Variants in TRANK1 observed in about 807,000 individuals in gnomAD.
TRANK1 encodes the protein tetratricopeptide repeat and ankyrin repeat containing 1.
TRANK1 carries 198 observed loss-of-function variants against 266.0 expected under a neutral mutation model. The observed-to-expected ratio is 0.74, with a 90% CI of 0.66 to 0.84. The LOEUF is 0.84. Ranked by LOEUF, TRANK1 falls within the 40% of genes least tolerant of loss-of-function variation. The pLI, the probability that TRANK1 is intolerant of heterozygous loss-of-function variation, is 0.00. For synonymous variants in TRANK1, 1,396 were observed against 1,384.1 expected, an observed-to-expected ratio of 1.01 and a Z score of -0.19; for missense variants, 3,326 against 3,634.6, an observed-to-expected ratio of 0.92 and a Z score of 2.18.
intron 1 of TRANK1, among the ~76,000 whole-genome samples, chr3:36,913,167 G>C (rs995848582): frequency 1.3e-5 from 2 of 151,954 alleles, no homozygotes; most frequent in African/African-American, 2.4e-5. Context: ...TCAGCTTCCT[G>C]AGTAGCTGGG....
chr3:36,842,412 A>T (rs72861149), intron 18 of TRANK1, among the ~76,000 whole-genome samples: 1 of 152,244 alleles, frequency 6.6e-6, no homozygotes, highest in Non-Finnish European at 1.5e-5. Context: ...GCACTTGGCC[A>T]AAATGAAGAG....
intron 15 of TRANK1, among the ~76,000 whole-genome samples, chr3:36,848,089 T>C (rs1301582216): frequency 6.6e-6 from 1 of 152,218 alleles, no homozygotes; most frequent in Non-Finnish European, 1.5e-5. Flanking sequence ...TAAATATTGT[T>C]ATCATTGCGG....
chr3:36,846,162 T>C, intron 17 of TRANK1, 86 bp downstream of exon 17: 1 of 1,326,230 alleles, frequency 7.5e-7, no homozygotes. Context: ...ACTTTCAAAA[T>C]ACCACACCTT....
At chr3:36,890,166 A>C (rs1400326231) in intron 7 of TRANK1, among the ~76,000 whole-genome samples, 2 of 152,184 alleles carry the variant, frequency 1.3e-5, no homozygotes, top group Non-Finnish European at 2.9e-5. Context: ...GCGTTTGTCA[A>C]GTGAGAGGAT....
At chr3:36,940,268 C>T (rs2080478977) in intron 1 of TRANK1, among the ~76,000 whole-genome samples, 4 of 149,432 alleles carry the variant, frequency 2.7e-5, no homozygotes, top group African/African-American at 4.9e-5. Context: ...GAGGCCGAGG[C>T]GGGTGGATCA....
rs544908871 is a variant in TRANK1, at chr3:36,855,466, C to T, written c.4256G>A (p.Arg1419Gln). The T allele has an allele frequency of 8.8e-4, 1,424 of 1,613,936 alleles. 24 individuals carry two copies. The South Asian group carries it at 0.015, about 17-fold the overall frequency. Residue 1419 changes from arginine (R) to glutamine (Q), a missense_variant, in exon 13 of 24, where the codon CGG (arginine) becomes CAG (glutamine). Physicochemically the swap from Arg to Gln is conservative, Grantham distance 43. Coordinates refer to ENST00000645898, the MANE Select transcript of TRANK1 (RefSeq NM_001329998.2). ...DEEDVLYNIS[R>Q]RLSKLRVLPW... is the part of the protein sequence containing the mutation. ...GAGCACCCTGAGCTTCGACAGCCTC[C>T]GGGATATGTTGTACAGAACATCCTC...
chr3:36,899,292 A>C, intron 3 of TRANK1, 33 bp from the exon 4 acceptor site: 3 of 1,531,566 alleles, frequency 2.0e-6, no homozygotes, highest in Non-Finnish European at 2.6e-6. Flanking sequence ...ACTGTCATGT[A>C]CCACATCTCC....
intron 1 of TRANK1, among the ~76,000 whole-genome samples, chr3:36,932,976 G>A (rs2080379659): frequency 1.3e-5 from 2 of 152,134 alleles, no homozygotes; most frequent in Admixed American, 6.5e-5. Flanking sequence ...CAAATAGCTT[G>A]ATCAATCCTT....
At chr3:36,940,499 C>CAAA (rs144323903) in intron 1 of TRANK1, among the ~76,000 whole-genome samples, 3 of 141,306 alleles carry the variant, frequency 2.1e-5, no homozygotes, top group Admixed American at 7.0e-5. Context: ...GAATCTGTTT[C>CAAA]AAAAAAAAAA....
chr3:36,914,968 TG>T (rs1169247561), intron 1 of TRANK1, among the ~76,000 whole-genome samples: 1 of 146,048 alleles, frequency 6.8e-6, no homozygotes, highest in Non-Finnish European at 1.5e-5. Flanking sequence ...TTTTGTTTTT[TG>T]AGAAAGAGTC....
intron 1 of TRANK1, among the ~76,000 whole-genome samples, chr3:36,929,120 T>C (rs1379274146): frequency 6.6e-6 from 1 of 151,698 alleles, no homozygotes; most frequent in Non-Finnish European, 1.5e-5. Flanking sequence ...CTCTAACATT[T>C]TAAAATACAT....
At position 36,851,738 on chromosome 3, in the gene TRANK1, T is replaced by C. The variant is rs1359540825; in HGVS notation, c.4868A>G (p.Asn1623Ser). The C allele has an allele frequency of 6.2e-7, 1 of 1,612,764 alleles. No homozygotes were observed. Among genetic ancestry groups the C allele is most frequent in the Non-Finnish European group, 8.5e-7 (1 of 1,179,556 alleles). ...GLEFDDVLLY[N>S]FFTDSEAYKE... ...ACATACCTCAGAATCAGTAAAAAAGTTGTAAAGGAGGACATCATCAAATTC... is the reference window on the plus strand; with the variant it reads ...ACATACCTCAGAATCAGTAAAAAAGCTGTAAAGGAGGACATCATCAAATTC... Residue 1623 changes from asparagine to serine, a missense_variant, in exon 15 of 24, where the codon AAC (asparagine) becomes AGC (serine). Transcript: ENST00000645898.
chr3:36,914,822 G>C (rs9814125), intron 1 of TRANK1, among the ~76,000 whole-genome samples: 5,032 of 151,966 alleles, frequency 0.033, 262 homozygotes, highest in African/African-American at 0.11. Context: ...ATTTTTAGTA[G>C]AGACGGGGTT....
intron 1 of TRANK1, among the ~76,000 whole-genome samples, chr3:36,910,880 G>A (rs1342627898): frequency 1.3e-5 from 2 of 152,150 alleles, no homozygotes; most frequent in Non-Finnish European, 2.9e-5. Context: ...GACCAGCCCG[G>A]CCAACATGGT....
chr3:36,847,660 T>C (rs1353132802), intron 15 of TRANK1, among the ~76,000 whole-genome samples: 1 of 152,114 alleles, frequency 6.6e-6, no homozygotes, highest in Non-Finnish European at 1.5e-5. Flanking sequence ...CTACAATCAG[T>C]ATGGACAGGG....
intron 2 of TRANK1, among the ~76,000 whole-genome samples, chr3:36,904,825 G>A (rs1171379568): frequency 6.6e-6 from 1 of 152,102 alleles, no homozygotes; most frequent in Non-Finnish European, 1.5e-5. Context: ...CAGACACTCT[G>A]GCCAGTGCAG....
At chr3:36,829,753 G>C (rs1049090234) in intron 22 of TRANK1, 91 bp from the exon 23 acceptor site, 2 of 1,354,866 alleles carry the variant, frequency 1.5e-6, no homozygotes, top group East Asian at 2.3e-5. Flanking sequence ...CACATCCCAA[G>C]AGCTGGTCTC....
intron 1 of TRANK1, among the ~76,000 whole-genome samples, chr3:36,919,471 T>C (rs568124366): frequency 1.3e-5 from 2 of 152,390 alleles, no homozygotes; most frequent in African/African-American, 4.8e-5. Context: ...CTTTCTCTTA[T>C]TGCTGTGTAG....
chr3:36,900,743 A>G (rs1237765617), intron 3 of TRANK1, among the ~76,000 whole-genome samples: 1 of 150,816 alleles, frequency 6.6e-6, no homozygotes, highest in Non-Finnish European at 1.5e-5. Context: ...TTAGCTGGGC[A>G]TGGTGGTGCA....
Sources: allele counts gnomAD v4.1 joint callset (sites outside exome capture counted in the v4.1 genomes callset), GRCh38; gene constraint gnomAD v4.1.1; transcripts MANE v1.5; gene names NCBI Gene and HGNC (gene_info 2026-07-23, HGNC 2026-07-21).